The following PRSS58 variants were observed in gnomAD, a reference collection of about 807,000 sequenced individuals.
The protein encoded by PRSS58 is protease, serine 58.
PRSS58 carries 31 observed loss-of-function variants against 25.0 expected under a neutral mutation model. The ratio of observed to expected loss-of-function variants is 1.24; its 90% CI spans 0.93 to 1.67. PRSS58 has a LOEUF of 1.67. Ranked by LOEUF, PRSS58 falls within the 40% of genes most tolerant of loss-of-function variation. The probability of loss-of-function intolerance (pLI) is 0.00; values close to 1 mark genes in which losing one functional copy is unlikely to be tolerated. For synonymous variants in PRSS58, 119 were observed against 106.1 expected (o/e 1.12, Z -0.75); for missense variants, 324 against 287.9 (o/e 1.13, Z -0.91).
intron 1 of PRSS58, 80 bp downstream of exon 1, chr7:142,257,911 T>G (rs139640773): frequency 6.9e-6 from 4 of 575,616 alleles, no homozygotes; most frequent in Middle Eastern, 4.6e-4. Context: ...AAGAATAGAG[T>G]CAAGTGATTG....
Position 142,255,230 on chromosome 7 carries a change from C to T in PRSS58, c.261G>A (p.Met87Ile), listed in dbSNP as rs781031779. Residue 87 changes from methionine to isoleucine, a missense_variant, in exon 4 of 6, where the codon ATG becomes ATA. Physicochemically the swap from Met to Ile is conservative, Grantham distance 10. Coordinates refer to ENST00000547058, the MANE Select transcript of PRSS58 (RefSeq NM_001001317.5). ...KHLQVIGYEK[M>I]IHHPHFSVTS... Reference sequence around the variant, plus strand: ...TGACTGAGAAGTGTGGATGATGAATCATCTTCTCATAGCCAATCACTTGCA... The same window carrying T: ...TGACTGAGAAGTGTGGATGATGAATTATCTTCTCATAGCCAATCACTTGCA... 6 of 1,613,724 alleles carry T rather than the reference C, an allele frequency of 3.7e-6. No individual in the cohort carries two copies. The highest frequency in any genetic ancestry group is 5.1e-6 in the Non-Finnish European group (6 of 1,179,758).
Position 142,252,280 on chromosome 7 carries a change from T to C in PRSS58, c.667A>G (p.Ile223Val). Reference protein sequence around the residue: ...DGCVLRADVGIYAKIFYYIPW... With the variant: ...DGCVLRADVGVYAKIFYYIPW... The stretch of plus-strand genomic sequence containing the variant: ...ATATAGTAAAAAATTTTGGCATAGA[T>C]GCCAACATCAGCTCTCAAAACACAT... Residue 223 changes from isoleucine (I) to valine (V), a missense_variant, in exon 6 of 6, where the codon ATC (isoleucine) becomes GTC (valine). Physicochemically the swap from Ile to Val is conservative, Grantham distance 29 (BLOSUM62 3). Transcript: ENST00000547058. 6.2e-7 allele frequency: 1 copy of C among 1,614,114 alleles called. No individual in the cohort carries two copies. The highest frequency in any genetic ancestry group is 8.5e-7 in the Non-Finnish European group (1 of 1,180,006).
At chr7:142,256,937 G>A (rs1798565870) in intron 2 of PRSS58, among the ~76,000 whole-genome samples, 1 of 152,180 alleles carries the variant, frequency 6.6e-6, no homozygotes, top group South Asian at 2.1e-4. Flanking sequence ...CATGGCTGCT[G>A]ACCCAGAGTG....
chr7:142,253,518 G>A (rs1798502222), intron 4 of PRSS58, among the ~76,000 whole-genome samples: 2 of 152,184 alleles, frequency 1.3e-5, no homozygotes, highest in East Asian at 1.9e-4. Flanking sequence ...CAACAAAGTA[G>A]TATGAACACA....
intron 4 of PRSS58, 69 bp downstream of exon 4, chr7:142,254,986 A>G: frequency 6.7e-7 from 1 of 1,482,178 alleles, no homozygotes; most frequent in Non-Finnish European, 9.3e-7. Flanking sequence ...GCCGAATTGA[A>G]GAAGCCAAGA....
In PRSS58 at chr7:142,255,062, A is replaced by G; in HGVS notation, c.429T>C (p.Cys143=). ...ACATTGTCTTGAACTCACAGATATC[A>G]CACACATTGTAGCTCCAGGTAGAGA... is the stretch of plus-strand genomic sequence containing the variant. ...CSVSTWSYNV[C]DIYKEPDSLQ... Residue 143 remains cysteine, a synonymous_variant, in exon 4 of 6, where the codon TGT becomes TGC. Transcript: ENST00000547058. The G allele has an allele frequency of 2.5e-6, 4 of 1,613,932 alleles. No homozygotes were observed. Among genetic ancestry groups the G allele is most frequent in the Non-Finnish European group, 3.4e-6 (4 of 1,179,898 alleles).
chr7:142,255,508 G>A (rs2116386621), intron 3 of PRSS58, 27 bp downstream of exon 3: 1 of 1,613,834 alleles, frequency 6.2e-7, no homozygotes, highest in South Asian at 1.1e-5. Flanking sequence ...CCAAAGAATG[G>A]AGTGCCTTTG....
intron 2 of PRSS58, 86 bp from the exon 3 acceptor site, chr7:142,255,759 A>G (rs1798547210): frequency 8.1e-7 from 1 of 1,236,328 alleles, no homozygotes; most frequent in East Asian, 2.5e-5. Flanking sequence ...ATAGGCTCCA[A>G]GTTCCCCTAT....
At chr7:142,253,884 A>G (rs1428730600) in intron 4 of PRSS58, among the ~76,000 whole-genome samples, 1 of 152,172 alleles carries the variant, frequency 6.6e-6, no homozygotes. Flanking sequence ...CCAAAAATCA[A>G]ATTGACTCTC....
chr7:142,257,820 A>ATG, intron 1 of PRSS58, 72 bp from the exon 2 acceptor site: 1 of 855,630 alleles, frequency 1.2e-6, no homozygotes, highest in Non-Finnish European at 1.9e-6. Context: ...ATATCATCTG[A>ATG]ATTATTTTAG....
intron 2 of PRSS58, 69 bp from the exon 3 acceptor site, chr7:142,255,742 T>C (rs1336009404): frequency 3.5e-6 from 5 of 1,418,042 alleles, no homozygotes; most frequent in Non-Finnish European, 4.8e-6. Context: ...TTCAGGAAAG[T>C]CATTTAATAG....
At position 142,257,730 on chromosome 7, in the gene PRSS58, A is replaced by G. The variant is rs375227141; in HGVS notation, c.-23T>C. The G allele has an allele frequency of 6.2e-6, 10 of 1,606,752 alleles. No homozygotes were observed. In the African/African-American group the frequency reaches 1.2e-4, roughly 19 times the overall value. On this transcript the variant is annotated 5_prime_UTR_variant, in exon 2 of 6. It removes the in-frame stop codon of an upstream open reading frame in the 5' UTR. Transcript: ENST00000547058. ...CATGATGATGTTGAAAGCCCAGTTT[A>G]GCTCCAGTCTCTGGAAAACTGGGAA...
intron 2 of PRSS58, 57 bp from the exon 3 acceptor site, chr7:142,255,730 A>G (rs1798546732): frequency 1.3e-6 from 2 of 1,506,168 alleles, no homozygotes; most frequent in East Asian, 2.3e-5. Flanking sequence ...CACCAGAAAA[A>G]CTTCAGGAAA....
At chr7:142,252,757 G>C in intron 4 of PRSS58, 146 bp from the exon 5 acceptor site, 1 of 780,370 alleles carries the variant, frequency 1.3e-6, no homozygotes, top group Non-Finnish European at 2.0e-6. Context: ...AGGACAACGA[G>C]GGTATAGGAG....
At chr7:142,257,603 C>T (rs1328498191) in intron 2 of PRSS58, 65 bp downstream of exon 2, 54 of 1,380,672 alleles carry the variant, frequency 3.9e-5, no homozygotes, top group Middle Eastern at 1.8e-4. Context: ...CGCTGTTACC[C>T]GTCTTTCATG....
At chr7:142,253,957 T>G (rs1798511854) in intron 4 of PRSS58, among the ~76,000 whole-genome samples, 1 of 152,190 alleles carries the variant, frequency 6.6e-6, no homozygotes, top group African/African-American at 2.4e-5. Flanking sequence ...TCTGAAGGTA[T>G]TTACTAAGGA....
chr7:142,257,943 G>T, intron 1 of PRSS58, 48 bp downstream of exon 1: 1 of 509,726 alleles, frequency 2.0e-6, no homozygotes, highest in Non-Finnish European at 3.4e-6. Flanking sequence ...AGTTGAAAAT[G>T]GTTCTGGAAC....
Position 142,255,627 on chromosome 7 carries a change from AG to A in PRSS58, c.86del (p.Pro29LeufsTer6), listed in dbSNP as rs751384564. On this transcript the variant is annotated frameshift_variant, in exon 3 of 6. Transcript: ENST00000547058. LOFTEE classifies it high-confidence loss of function. ...NPDYTVSSTP[P>X]YLVYLKSDYL... ...AGTCAGATTTCAAATAGACCAAGTA[AG>A]GGGGAGTGGAGCTGACTGTGTAATC... The A allele has an allele frequency of 1.3e-5, 21 of 1,613,910 alleles. No homozygotes were observed. The highest frequency in any genetic ancestry group is 1.7e-5 in the Admixed American group (1 of 59,986).
rs965235207 is a variant in PRSS58, at chr7:142,255,039, A to G, written c.436+16T>C. The stretch of plus-strand genomic sequence containing the variant: ...GCATGTCTAATTCTGAGAGAAGAAC[A>G]TTGTCTTGAACTCACAGATATCACA... On this transcript the variant is annotated intron_variant, in intron 4 of 5. Transcript: ENST00000547058. The G allele has an allele frequency of 2.5e-6, 4 of 1,612,458 alleles. No homozygotes were observed. Among genetic ancestry groups the G allele is most frequent in the Admixed American group, 1.7e-5 (1 of 59,998 alleles).
Sources: gnomAD v4.1 joint callset for allele counts (sites outside exome capture counted in the v4.1 genomes callset) on GRCh38, gnomAD v4.1.1 for gene constraint, MANE v1.5 for transcripts, NCBI Gene and HGNC (gene_info 2026-07-23, HGNC 2026-07-21) for gene names.